Variants in CNTNAP2 observed in about 807,000 individuals in gnomAD.
CNTNAP2 encodes the protein contactin-associated protein-like 2.
A neutral mutation model predicts 155.2 loss-of-function variants in CNTNAP2; 98 were observed. The observed-to-expected ratio is 0.63, with a 90% CI of 0.54 to 0.75. The LOEUF is 0.75. Among genes scored for constraint, CNTNAP2 ranks in the 30% least tolerant of loss-of-function variants. The pLI is 0.00. For synonymous variants in CNTNAP2, 651 were observed against 631.2 expected (o/e 1.03, Z -0.47); for missense variants, 1,727 against 1,688.1 (o/e 1.02, Z -0.40).
chr7:148,368,267 T>C (rs1276365037), intron 21 of CNTNAP2, among the ~76,000 whole-genome samples: 1 of 151,864 alleles, frequency 6.6e-6, no homozygotes, highest in East Asian at 1.9e-4. Flanking sequence ...AGTTGAGGGG[T>C]GGGGGTTGCT....
intron 3 of CNTNAP2, among the ~76,000 whole-genome samples, chr7:146,890,051 TG>T (rs1234069113): frequency 6.6e-6 from 1 of 152,156 alleles, no homozygotes; most frequent in Non-Finnish European, 1.5e-5. Flanking sequence ...AGCCAGCAAC[TG>T]AGACAGAGAT....
At chr7:147,076,512 T>A (rs1800004633) in intron 4 of CNTNAP2, among the ~76,000 whole-genome samples, 1 of 152,148 alleles carries the variant, frequency 6.6e-6, no homozygotes. Context: ...GTTTAAGTTC[T>A]TTGTAGATTC....
chr7:146,283,522 T>C (rs1343522160), intron 1 of CNTNAP2, among the ~76,000 whole-genome samples: 2 of 152,174 alleles, frequency 1.3e-5, no homozygotes. Flanking sequence ...TGTGAGCCAC[T>C]GTGCCTGGCT....
intron 3 of CNTNAP2, among the ~76,000 whole-genome samples, chr7:146,970,798 C>T (rs542582142): frequency 2.0e-4 from 30 of 152,258 alleles, no homozygotes; most frequent in African/African-American, 7.0e-4. Context: ...AAATCAAAGA[C>T]TTGGAACCAA....
intron 15 of CNTNAP2, among the ~76,000 whole-genome samples, chr7:147,982,609 T>C (rs956444712): frequency 6.6e-6 from 1 of 152,202 alleles, no homozygotes; most frequent in Non-Finnish European, 1.5e-5. Flanking sequence ...AAGATGATGG[T>C]GAATATTTGT....
intron 14 of CNTNAP2, among the ~76,000 whole-genome samples, chr7:147,909,270 T>A (rs1330858642): frequency 2.0e-5 from 3 of 152,216 alleles, no homozygotes; most frequent in Non-Finnish European, 4.4e-5. Context: ...TCTATCTTTT[T>A]AATGATTTCA....
chr7:146,934,674 A>T (rs1251470486), intron 3 of CNTNAP2, among the ~76,000 whole-genome samples: 1 of 152,208 alleles, frequency 6.6e-6, no homozygotes, highest in Non-Finnish European at 1.5e-5. Flanking sequence ...GAAAAGAAAA[A>T]AATGGACAAT....
rs1805656324 is a variant in CNTNAP2 at position 148,166,275 on chromosome 7, TTCAATAC to T, written c.2774-5965_2774-5959del. Among the ~76,000 whole-genome samples, 8 of 152,304 alleles carry T rather than the reference TTCAATAC, an allele frequency of 5.3e-5. No individual in the cohort carries two copies. In the South Asian group the frequency reaches 1.7e-3, roughly 32 times the overall value. On this transcript the variant is annotated intron_variant, in intron 17 of 23. Coordinates refer to ENST00000361727, the MANE Select transcript of CNTNAP2 (RefSeq NM_014141.6). Reference sequence around the variant, plus strand: ...GAACAGAGACTTTTGTGTGTTTTGCTTCAATACTATGAAGCAGACAAACAAAACATCT... The same window carrying T: ...GAACAGAGACTTTTGTGTGTTTTGCTTATGAAGCAGACAAACAAAACATCT...
chr7:146,196,708 T>G (rs1798781698), intron 1 of CNTNAP2, among the ~76,000 whole-genome samples: 1 of 152,082 alleles, frequency 6.6e-6, no homozygotes, highest in South Asian at 2.1e-4. Flanking sequence ...AGTTCAGCAG[T>G]CTAGATAATA....
chr7:147,273,220 G>C (rs13235260), intron 8 of CNTNAP2, among the ~76,000 whole-genome samples: 60,546 of 151,858 alleles, frequency 0.4, 12,646 homozygotes, highest in East Asian at 0.76. Flanking sequence ...TACAGTCTAC[G>C]TTGAGGGGTT....
At chr7:147,769,663 A>G (rs1797437388) in intron 13 of CNTNAP2, among the ~76,000 whole-genome samples, 1 of 152,152 alleles carries the variant, frequency 6.6e-6, no homozygotes, top group Non-Finnish European at 1.5e-5. Flanking sequence ...GTGGATGACT[A>G]GTATATTTTT....
chr7:147,496,895 C>T (rs976176974), intron 11 of CNTNAP2: 3 of 151,934 alleles, frequency 2.0e-5, no homozygotes, highest in Admixed American at 6.6e-5. Context: ...TTTCCTCTCC[C>T]TCTTGGCAAA....
chr7:146,767,397 T>A (rs1802215602), intron 1 of CNTNAP2, among the ~76,000 whole-genome samples: 1 of 152,242 alleles, frequency 6.6e-6, no homozygotes, highest in African/African-American at 2.4e-5. Flanking sequence ...GTTTTTTGTT[T>A]GTTTATTTGC....
At chr7:147,040,123 T>C (rs934090344) in intron 3 of CNTNAP2, among the ~76,000 whole-genome samples, 3 of 151,972 alleles carry the variant, frequency 2.0e-5, no homozygotes, top group Non-Finnish European at 4.4e-5. Flanking sequence ...AAAACAACCC[T>C]GCTAAAAAGT....
rs375482590 is a variant in CNTNAP2, at chr7:147,566,136, A to C, written c.1897+3879A>C. 5.2e-4 allele frequency among the ~76,000 whole-genome samples: 78 copies of C among 149,630 alleles called. No individual in the cohort carries two copies. In the East Asian group the frequency reaches 0.014, roughly 27 times the overall value. On this transcript the variant is annotated intron_variant, in intron 12 of 23. Transcript: ENST00000361727. Reference sequence around the variant, plus strand: ...TCTCTACCAAAAAAAAAAAAAAAGCAAAAACAAAAACTAGCTGGGCATGGT... The same window carrying C: ...TCTCTACCAAAAAAAAAAAAAAAGCCAAAACAAAAACTAGCTGGGCATGGT...
chr7:146,725,300 A>G (rs73168730), intron 1 of CNTNAP2, among the ~76,000 whole-genome samples: 5,206 of 152,302 alleles, frequency 0.034, 134 homozygotes, highest in East Asian at 0.12. Context: ...GCTGACAACT[A>G]GTAAAACAAC....
chr7:146,570,823 A>G (rs747899230), intron 1 of CNTNAP2, among the ~76,000 whole-genome samples: 1 of 151,934 alleles, frequency 6.6e-6, no homozygotes, highest in South Asian at 2.1e-4. Flanking sequence ...TATATTAATA[A>G]TTAAACATTT....
chr7:146,189,700 G>A (rs1334644017), intron 1 of CNTNAP2, among the ~76,000 whole-genome samples: 1 of 152,142 alleles, frequency 6.6e-6, no homozygotes, highest in Admixed American at 6.5e-5. Context: ...GGACCATGGA[G>A]GTGACATTTT....
At chr7:146,212,378 G>A (rs570021379) in intron 1 of CNTNAP2, among the ~76,000 whole-genome samples, 1 of 152,218 alleles carries the variant, frequency 6.6e-6, no homozygotes, top group South Asian at 2.1e-4. Context: ...TGACCTAATT[G>A]GGAGTCTGGT....
Sources: allele counts gnomAD v4.1 joint callset (sites outside exome capture counted in the v4.1 genomes callset), GRCh38; gene constraint gnomAD v4.1.1; transcripts MANE v1.5; gene names NCBI Gene and HGNC (gene_info 2026-07-23, HGNC 2026-07-21).